OCRL: variants seen among roughly 807,000 people sequenced by gnomAD.
OCRL encodes the protein inositol polyphosphate 5-phosphatase OCRL.
Under a neutral mutation model 78.9 loss-of-function variants are expected in OCRL, and 8 were observed. The ratio of observed to expected loss-of-function variants is 0.10; its 90% confidence interval spans 0.06 to 0.18. OCRL has a LOEUF of 0.18. Ranked by LOEUF, OCRL falls within the 10% of genes least tolerant of loss-of-function variation. The probability of loss-of-function intolerance (pLI) is 1.00; values close to 1 mark genes in which losing one functional copy is unlikely to be tolerated. For synonymous variants in OCRL, 240 were observed against 235.4 expected (o/e 1.02, Z -0.18); for missense variants, 454 against 696.7 (o/e 0.65, Z 3.92).
Position 129,569,247 on chromosome X carries a change from C to T in OCRL, c.1467-17C>T. On this transcript the variant is annotated splice_polypyrimidine_tract_variant and intron_variant, in intron 14 of 23. Transcript: ENST00000371113. ...TGTGTGATATGTTCTCTTTATAACT[C>T]GTTTCTTTACTTACAGTGGGAAATG... 2 of 1,209,017 alleles carry T rather than the reference C, an allele frequency of 1.7e-6. No individual in the cohort carries two copies. The highest frequency in any genetic ancestry group is 1.7e-5 in the African/African-American group (1 of 57,675).
In OCRL at chrX:129,577,734, G is replaced by A. The variant is rs771946462; in HGVS notation, c.2115+1182G>A. ...TTGGAATTATACTTATTTCCCCAGAGCCCTCATGACTGAGTATATTACCTC... is the reference window on the plus strand; with the variant it reads ...TTGGAATTATACTTATTTCCCCAGAACCCTCATGACTGAGTATATTACCTC... On this transcript the variant is annotated intron_variant, in intron 18 of 23. Transcript: ENST00000371113. Among the ~76,000 whole-genome samples the A allele has an allele frequency of 8.9e-5, 10 of 112,021 alleles. No individual in the cohort carries two copies. The East Asian group carries it at 2.8e-3, about 31-fold the overall frequency.
chrX:129,554,400 A>T (rs1204866054), intron 4 of OCRL: 1 of 111,402 alleles, frequency 9.0e-6, no homozygotes, highest in African/African-American at 3.3e-5. Flanking sequence ...AAAGGGACCC[A>T]AAATTAATGG....
intron 22 of OCRL, chrX:129,589,263 C>T: frequency 2.6e-6 from 1 of 377,688 alleles, no homozygotes; most frequent in East Asian, 4.9e-5. Context: ...GATCCCTCTA[C>T]TCTGGGGTAA....
rs1245054934 is a variant in OCRL at position 129,540,624 on chromosome X, AGGGCG to A, written c.40-106_40-102del. On this transcript the variant is annotated intron_variant, in intron 1 of 23. Coordinates refer to ENST00000371113, the MANE Select transcript of OCRL (RefSeq NM_000276.4). ...AGGGGGCCGGCGCGGGAGACGAAGC[AGGGCG>A]GGGCGGGGCGGGGGAGGGCGGCGGT... is the stretch of plus-strand genomic sequence containing the variant. 0.048 allele frequency: 11,338 copies of A among 234,654 alleles called. 177 individuals carry two copies. The highest frequency in any genetic ancestry group is 0.29 in the East Asian group (2,099 of 7,240). The allele number at this position is 234,654 out of a possible 1,213,427, so 19.3% of individuals were successfully genotyped here. A position where few individuals can be genotyped will look rare whatever the true frequency, so the allele number is the denominator to read the frequency against.
intron 16 of OCRL, 56 bp from the exon 17 acceptor site, chrX:129,575,841 A>G: frequency 8.6e-7 from 1 of 1,164,920 alleles, no homozygotes; most frequent in South Asian, 1.8e-5. Flanking sequence ...GAATAATCCA[A>G]CTGACTTACT....
intron 3 of OCRL, among the ~76,000 whole-genome samples, chrX:129,546,455 A>C (rs188057697): frequency 8.9e-6 from 1 of 112,790 alleles, no homozygotes; most frequent in East Asian, 2.8e-4. Flanking sequence ...TATTCCTATA[A>C]GTGAAAATAC....
intron 2 of OCRL, among the ~76,000 whole-genome samples, chrX:129,544,354 T>G (rs1935849165): frequency 9.0e-6 from 1 of 111,423 alleles, no homozygotes; most frequent in African/African-American, 3.3e-5. Context: ...AACAAGGGAT[T>G]TGAAGGCAAT....
intron 19 of OCRL, among the ~76,000 whole-genome samples, chrX:129,586,539 C>A (rs969751631): frequency 8.9e-6 from 1 of 112,134 alleles, no homozygotes; most frequent in African/African-American, 3.2e-5. Flanking sequence ...TGAAAACAAA[C>A]AACAGTATCT....
chrX:129,576,193 C>G, intron 17 of OCRL, 124 bp from the exon 18 acceptor site: 1 of 895,583 alleles, frequency 1.1e-6, no homozygotes, highest in Non-Finnish European at 1.6e-6. Context: ...GGTGTGTGTC[C>G]TGTCTCTTCC....
intron 19 of OCRL, among the ~76,000 whole-genome samples, chrX:129,585,682 A>C (rs1351860705): frequency 4.5e-5 from 5 of 112,017 alleles, no homozygotes; most frequent in Non-Finnish European, 9.4e-5. Flanking sequence ...CCAGGGAAAG[A>C]AAGGAAGCAA....
In OCRL at chrX:129,579,574, T is replaced by G. The variant is rs184193554; in HGVS notation, c.2115+3022T>G. On this transcript the variant is annotated intron_variant, in intron 18 of 23. Transcript: ENST00000371113. ...GAATGAAATAACTGACATAATTATT[T>G]TTCATCCTTCCAGCCCTTTTCATAA... 4.5e-4 allele frequency among the ~76,000 whole-genome samples: 51 copies of G among 112,276 alleles called. No homozygotes were observed. The Admixed American group carries it at 4.7e-3, about 10-fold the overall frequency.
In OCRL at chrX:129,567,292, C is replaced by T. The variant is rs754797006; in HGVS notation, c.1395C>T (p.Asp465=). ...GCACACAGAAAAAAGCTTTTGTTGACTTCAATGAAGGGGAAATCAAGTTCA... is the reference window on the plus strand; with the variant it reads ...GCACACAGAAAAAAGCTTTTGTTGATTTCAATGAAGGGGAAATCAAGTTCA... ...IQRTQKKAFV[D]FNEGEIKFIP... Residue 465 remains aspartate (D), a synonymous_variant, in exon 14 of 24, where the codon GAC becomes GAT. Coordinates refer to ENST00000371113, the MANE Select transcript of OCRL (RefSeq NM_000276.4). 25 of 1,207,946 alleles carry T rather than the reference C, an allele frequency of 2.1e-5. No homozygotes were observed. The South Asian group carries it at 4.1e-4, about 20-fold the overall frequency.
intron 7 of OCRL, 39 bp downstream of exon 7, chrX:129,558,792 A>T (rs1338900322): frequency 1.7e-6 from 2 of 1,210,377 alleles, no homozygotes; most frequent in Non-Finnish European, 1.1e-6. Flanking sequence ...TTGTAGGAGA[A>T]TTATAGTTTA....
intron 19 of OCRL, among the ~76,000 whole-genome samples, chrX:129,584,802 T>C (rs1394730471): frequency 1.8e-5 from 2 of 111,871 alleles, no homozygotes; most frequent in Non-Finnish European, 3.8e-5. Flanking sequence ...ACAGATATGA[T>C]CAAGAAATAG....
intron 3 of OCRL, among the ~76,000 whole-genome samples, chrX:129,545,373 A>G (rs1177579839): frequency 8.9e-6 from 1 of 112,500 alleles, no homozygotes; most frequent in Non-Finnish European, 1.9e-5. Context: ...CACAGTGCTC[A>G]TAAGGTACCA....
At chrX:129,569,019 T>G (rs953340426) in intron 14 of OCRL, among the ~76,000 whole-genome samples, 2 of 112,570 alleles carry the variant, frequency 1.8e-5, no homozygotes, top group African/African-American at 6.5e-5. Context: ...AACTATTCGT[T>G]GAGCACCTAC....
At chrX:129,558,539 T>C in intron 6 of OCRL, 94 bp from the exon 7 acceptor site, 2 of 1,041,036 alleles carry the variant, frequency 1.9e-6, no homozygotes, top group South Asian at 2.0e-5. Flanking sequence ...GTAATACCAC[T>C]GATCAAATTG....
At chrX:129,571,395 C>T (rs1339659431) in intron 15 of OCRL, among the ~76,000 whole-genome samples, 1 of 89,192 alleles carries the variant, frequency 1.1e-5, no homozygotes, top group African/African-American at 4.4e-5. Context: ...GACAGAGTCT[C>T]GCTCTGTCAC....
chrX:129,553,569 G>A (rs1935996262), intron 4 of OCRL, among the ~76,000 whole-genome samples: 1 of 112,168 alleles, frequency 8.9e-6, no homozygotes. Flanking sequence ...ATTACTGAGA[G>A]AATCAGAGGG....
Sources: gnomAD v4.1 joint callset for allele counts (sites outside exome capture counted in the v4.1 genomes callset) on GRCh38, gnomAD v4.1.1 for gene constraint, MANE v1.5 for transcripts, NCBI Gene and HGNC (gene_info 2026-07-23, HGNC 2026-07-21) for gene names.